UGT1A10: variants seen among roughly 807,000 people sequenced by gnomAD.
UGT1A10 encodes UDP-glucuronosyltransferase 1A10.
Under a neutral mutation model 45.8 loss-of-function variants are expected in UGT1A10, and 49 were observed. The ratio of observed to expected loss-of-function variants is 1.07; its 90% CI spans 0.85 to 1.36. The LOEUF (loss-of-function observed/expected upper bound fraction) is 1.36, where lower values mean the gene tolerates loss of function less well. UGT1A10 is among the 40% of genes most tolerant of loss of function. UGT1A10 has a pLI of 0.00. For missense variants in UGT1A10, 745 were observed against 668.6 expected, an observed-to-expected ratio of 1.11 and a Z score of -1.26; for synonymous variants, 284 against 249.7, an observed-to-expected ratio of 1.14 and a Z score of -1.29.
chr2:233,760,175 C>CT (rs1329658186), intron 1 of UGT1A10: 8 of 1,540,648 alleles, frequency 5.2e-6, no homozygotes, highest in Non-Finnish European at 6.1e-6. Flanking sequence ...GGACTGACAG[C>CT]TTTTTATAGT....
At chr2:233,740,771 A>G (rs1027399973) in intron 1 of UGT1A10, 1 of 151,854 alleles carries the variant, frequency 6.6e-6, no homozygotes, top group African/African-American at 2.4e-5. Context: ...AAACCGTTGT[A>G]TAAAAGATGA....
intron 1 of UGT1A10, among the ~76,000 whole-genome samples, chr2:233,667,921 T>C (rs1476344118): frequency 6.6e-6 from 1 of 152,232 alleles, no homozygotes; most frequent in African/African-American, 2.4e-5. Flanking sequence ...GGAACACTTT[T>C]ACACTGTTGG....
intron 1 of UGT1A10, among the ~76,000 whole-genome samples, chr2:233,665,933 C>T (rs1240750269): frequency 6.6e-6 from 1 of 152,188 alleles, no homozygotes; most frequent in Middle Eastern, 3.2e-3. Flanking sequence ...TGTTCATACT[C>T]ACCAACACTG....
Position 233,772,855 on chromosome 2 carries a change from A to T in UGT1A10, c.*296A>T, listed in dbSNP as rs1237319377. On this transcript the variant is annotated 3_prime_UTR_variant, in exon 5 of 5. Transcript: ENST00000344644. ...TTCTAGATTACTTTTCTTACTCTGA[A>T]ACATGGCCTGTTTGGGAGTGCGGGA... 3 of 732,688 alleles carry T rather than the reference A, an allele frequency of 4.1e-6. No homozygotes were observed. Among genetic ancestry groups the T allele is most frequent in the Non-Finnish European group, 5.9e-6 (3 of 506,184 alleles). 45.4% of individuals were successfully genotyped at this position (732,688 alleles called of 1,614,324 possible). A position where few individuals can be genotyped will look rare whatever the true frequency, so the allele number is the denominator to read the frequency against.
chr2:233,695,519 ATTTC>A (rs1302845104), intron 1 of UGT1A10, among the ~76,000 whole-genome samples: 1 of 150,492 alleles, frequency 6.6e-6, no homozygotes, highest in East Asian at 1.9e-4. Context: ...TACAAATTTT[ATTTC>A]TTTTTTCTTT....
At chr2:233,725,263 A>AGGC (rs1472327737) in intron 1 of UGT1A10, among the ~76,000 whole-genome samples, 4 of 34,258 alleles carry the variant, frequency 1.2e-4, no homozygotes, top group Non-Finnish European at 2.1e-4. Flanking sequence ...GCAGAGGCAG[A>AGGC]GGAGGCAGAG....
At chr2:233,709,397 A>ATG (rs1316902084) in intron 1 of UGT1A10, among the ~76,000 whole-genome samples, 2 of 152,196 alleles carry the variant, frequency 1.3e-5, no homozygotes, top group Non-Finnish European at 2.9e-5. Context: ...TTAATAATCT[A>ATG]TGGGTGAACA....
At chr2:233,688,598 G>T (rs2074903905) in intron 1 of UGT1A10, among the ~76,000 whole-genome samples, 1 of 152,116 alleles carries the variant, frequency 6.6e-6, no homozygotes, top group Non-Finnish European at 1.5e-5. Flanking sequence ...TGGTGTTACA[G>T]AATAACACCC....
At chr2:233,713,944 A>G (rs2076357892) in intron 1 of UGT1A10, 2 of 1,609,792 alleles carry the variant, frequency 1.2e-6, no homozygotes, top group East Asian at 2.2e-5. Flanking sequence ...TTCCATATCT[A>G]CTTATCTTTC....
chr2:233,650,221 C>T (rs764349798), intron 1 of UGT1A10, among the ~76,000 whole-genome samples: 96 of 152,270 alleles, frequency 6.3e-4, no homozygotes, highest in African/African-American at 1.9e-3. Context: ...CTGCCTGCCT[C>T]GGCCTCCCAA....
intron 1 of UGT1A10, chr2:233,713,629 A>T: frequency 1.2e-6 from 2 of 1,613,982 alleles, no homozygotes; most frequent in Non-Finnish European, 1.7e-6. Context: ...AGGGTCAAGA[A>T]CATGCTCTAC....
At chr2:233,741,345 A>C (rs1260340579) in intron 1 of UGT1A10, among the ~76,000 whole-genome samples, 2 of 151,734 alleles carry the variant, frequency 1.3e-5, no homozygotes, top group African/African-American at 2.4e-5. Flanking sequence ...AGTGATTTCC[A>C]ACACACAAAA....
At chr2:233,655,242 G>A (rs1317074264) in intron 1 of UGT1A10, among the ~76,000 whole-genome samples, 1 of 152,182 alleles carries the variant, frequency 6.6e-6, no homozygotes, top group African/African-American at 2.4e-5. Flanking sequence ...TCTATTATCA[G>A]CTACCTGTTT....
intron 1 of UGT1A10, among the ~76,000 whole-genome samples, chr2:233,638,888 C>A (rs2073374595): frequency 6.6e-6 from 1 of 152,192 alleles, no homozygotes; most frequent in African/African-American, 2.4e-5. Flanking sequence ...CATGGCAAGA[C>A]CAGGCGAGGA....
intron 1 of UGT1A10, chr2:233,760,407 G>A (rs749423657): frequency 4.3e-6 from 7 of 1,614,102 alleles, no homozygotes; most frequent in Non-Finnish European, 5.9e-6. Context: ...GCAGCCACTG[G>A]CTGAGCATGC....
chr2:233,721,241 A>G (rs2076930397), intron 1 of UGT1A10, among the ~76,000 whole-genome samples: 1 of 152,202 alleles, frequency 6.6e-6, no homozygotes, highest in African/African-American at 2.4e-5. Context: ...ACTGAATTGT[A>G]AAAAATATAT....
intron 1 of UGT1A10, chr2:233,713,873 C>A: frequency 1.2e-6 from 2 of 1,613,734 alleles, no homozygotes; most frequent in African/African-American, 1.3e-5. Flanking sequence ...GTATTGGTGC[C>A]TTTATCCAAT....
intron 1 of UGT1A10, among the ~76,000 whole-genome samples, chr2:233,714,888 A>ATCTTTTTTATTT (rs148944858): frequency 1.7e-4 from 26 of 151,790 alleles, no homozygotes; most frequent in Non-Finnish European, 2.9e-4. Flanking sequence ...AAATTTTTCT[A>ATCTTTTTTATTT]TCTTTTGAGA....
chr2:233,691,246 A>C (rs1200256560), intron 1 of UGT1A10: 2 of 985,350 alleles, frequency 2.0e-6, no homozygotes, highest in Non-Finnish European at 2.4e-6. Context: ...ATCTAGATGA[A>C]CTCAAAGCAA....
Sources: allele counts gnomAD v4.1 joint callset (sites outside exome capture counted in the v4.1 genomes callset), GRCh38; gene constraint gnomAD v4.1.1; transcripts MANE v1.5; gene names NCBI Gene and HGNC (gene_info 2026-07-23, HGNC 2026-07-21).